KHDRBS2: variants seen among roughly 807,000 people sequenced by gnomAD.
The protein encoded by KHDRBS2 is KH RNA binding domain containing, signal transduction associated 2.
KHDRBS2 carries 26 observed loss-of-function variants against 44.3 expected under a neutral mutation model. The ratio of observed to expected loss-of-function variants is 0.59; its 90% CI spans 0.43 to 0.81. The LOEUF (loss-of-function observed/expected upper bound fraction) is 0.81. Among genes scored for constraint, KHDRBS2 ranks in the 40% least tolerant of loss-of-function variants. The probability of loss-of-function intolerance (pLI) is 0.00; values close to 1 mark genes in which losing one functional copy is unlikely to be tolerated. For synonymous variants in KHDRBS2, 194 were observed against 151.1 expected (o/e 1.28, Z -2.08); for missense variants, 476 against 433.1 (o/e 1.10, Z -0.88).
chr6:62,114,750 C>T (rs577469640), intron 2 of KHDRBS2, among the ~76,000 whole-genome samples: 1 of 147,926 alleles, frequency 6.8e-6, no homozygotes, highest in African/African-American at 2.7e-5. Flanking sequence ...GAATCAAAGG[C>T]ATTAGTAAAT....
At chr6:61,987,738 G>A (rs1311166148) in intron 3 of KHDRBS2, among the ~76,000 whole-genome samples, 1 of 152,024 alleles carries the variant, frequency 6.6e-6, no homozygotes, top group Non-Finnish European at 1.5e-5. Flanking sequence ...ACACACAAAG[G>A]GTTTTTGTAC....
At chr6:61,773,093 A>G in intron 6 of KHDRBS2, among the ~76,000 whole-genome samples, 1 of 152,192 alleles carries the variant, frequency 6.6e-6, no homozygotes, top group Non-Finnish European at 1.5e-5. Context: ...TAGTGCCACA[A>G]TAAACATACG....
intron 2 of KHDRBS2, among the ~76,000 whole-genome samples, chr6:62,061,206 T>A (rs1399892327): frequency 6.6e-6 from 1 of 151,742 alleles, no homozygotes; most frequent in Non-Finnish European, 1.5e-5. Flanking sequence ...GTGAATTTGA[T>A]CCTGTCATTA....
At chr6:62,202,626 G>T (rs747285359) in intron 1 of KHDRBS2, among the ~76,000 whole-genome samples, 8 of 152,028 alleles carry the variant, frequency 5.3e-5, no homozygotes, top group Non-Finnish European at 1.2e-4. Context: ...CCCAAGATAT[G>T]TTATGGAAAA....
intron 8 of KHDRBS2, among the ~76,000 whole-genome samples, chr6:61,685,444 C>A (rs1442978913): frequency 6.6e-6 from 1 of 151,702 alleles, no homozygotes; most frequent in Non-Finnish European, 1.5e-5. Flanking sequence ...ACCAATTATG[C>A]AAAATAAGTA....
chr6:62,158,333 G>A (rs1816896994), intron 2 of KHDRBS2, among the ~76,000 whole-genome samples: 1 of 152,118 alleles, frequency 6.6e-6, no homozygotes, highest in African/African-American at 2.4e-5. Flanking sequence ...CACTATGCCA[G>A]GTATGTACAT....
At chr6:62,150,059 C>T (rs1052874848) in intron 2 of KHDRBS2, among the ~76,000 whole-genome samples, 1 of 152,126 alleles carries the variant, frequency 6.6e-6, no homozygotes, top group African/African-American at 2.4e-5. Flanking sequence ...TCAGGCTAAT[C>T]TACCTTTCTT....
intron 3 of KHDRBS2, among the ~76,000 whole-genome samples, chr6:62,033,847 G>T (rs180920446): frequency 6.6e-6 from 1 of 151,312 alleles, no homozygotes; most frequent in Non-Finnish European, 1.5e-5. Context: ...GAAATAAGAA[G>T]TTGGTTTTTT....
chr6:62,009,226 T>C (rs1395646022), intron 3 of KHDRBS2, among the ~76,000 whole-genome samples: 2 of 152,206 alleles, frequency 1.3e-5, no homozygotes, highest in Non-Finnish European at 2.9e-5. Context: ...ACTCTCGTTA[T>C]GTTTTTAGCA....
At chr6:61,762,438 G>A (rs1048561910) in intron 6 of KHDRBS2, among the ~76,000 whole-genome samples, 3 of 152,142 alleles carry the variant, frequency 2.0e-5, no homozygotes, top group African/African-American at 7.2e-5. Context: ...TTGAGTCATG[G>A]GGGCAGATTC....
intron 1 of KHDRBS2, among the ~76,000 whole-genome samples, chr6:62,247,109 C>G (rs1243678088): frequency 6.6e-6 from 1 of 151,944 alleles, no homozygotes; most frequent in African/African-American, 2.4e-5. Context: ...GGTCTCACAC[C>G]TGTGGATACC....
chr6:61,902,646 T>C (rs1277568438), intron 4 of KHDRBS2, among the ~76,000 whole-genome samples: 1 of 152,174 alleles, frequency 6.6e-6, no homozygotes, highest in African/African-American at 2.4e-5. Context: ...ATCTAGTGGC[T>C]CTTCTAGTGG....
chr6:61,595,796 A>G, the KHDRBS2 span, among the ~76,000 whole-genome samples: 2 of 151,764 alleles, frequency 1.3e-5, no homozygotes, highest in Non-Finnish European at 2.9e-5. Flanking sequence ...CAAACATATT[A>G]ATAACTAATG....
At chr6:61,978,726 C>T (rs1224581215) in intron 3 of KHDRBS2, among the ~76,000 whole-genome samples, 1 of 152,092 alleles carries the variant, frequency 6.6e-6, no homozygotes, top group Non-Finnish European at 1.5e-5. Flanking sequence ...TATGTTCTCA[C>T]CAGCCCAGAT....
At chr6:61,611,323 C>A in the KHDRBS2 span, among the ~76,000 whole-genome samples, 1 of 152,094 alleles carries the variant, frequency 6.6e-6, no homozygotes, top group Non-Finnish European at 1.5e-5. Flanking sequence ...GAAAAAAGTA[C>A]CCAATCACCT....
the KHDRBS2 span, among the ~76,000 whole-genome samples, chr6:61,655,258 ACACT>A: frequency 3.4e-5 from 5 of 146,736 alleles, no homozygotes; most frequent in East Asian, 2.0e-4. Flanking sequence ...ACACACACAC[ACACT>A]ATTTATTTCT....
the KHDRBS2 span, among the ~76,000 whole-genome samples, chr6:61,560,233 CCTTT>C: frequency 5.3e-5 from 8 of 152,082 alleles, no homozygotes; most frequent in African/African-American, 1.9e-4. Context: ...AATCAACGAT[CCTTT>C]CTTTAACTTT....
At chr6:61,664,255 A>G in the KHDRBS2 span, among the ~76,000 whole-genome samples, 2 of 151,776 alleles carry the variant, frequency 1.3e-5, no homozygotes, top group Non-Finnish European at 2.9e-5. Context: ...TATAGTATCA[A>G]TGGAAGGTTG....
intron 6 of KHDRBS2, among the ~76,000 whole-genome samples, chr6:61,772,795 C>T (rs1398608281): frequency 2.0e-5 from 3 of 152,034 alleles, no homozygotes; most frequent in African/African-American, 2.4e-5. Flanking sequence ...ACCCCCTACC[C>T]CAACTCCACA....
Sources: gnomAD v4.1 joint callset for allele counts (sites outside exome capture counted in the v4.1 genomes callset) on GRCh38, gnomAD v4.1.1 for gene constraint, MANE v1.5 for transcripts, NCBI Gene and HGNC (gene_info 2026-07-23, HGNC 2026-07-21) for gene names.